Variants in PCDHGA5 observed in about 807,000 individuals in gnomAD.
PCDHGA5 encodes the protein protocadherin gamma-A5.
In PCDHGA5, 36 loss-of-function variants were observed where a neutral mutation model predicts 56.7. The observed-to-expected ratio is 0.64, with a 90% CI of 0.49 to 0.84. The LOEUF (loss-of-function observed/expected upper bound fraction) is 0.84. Ranked by LOEUF, PCDHGA5 falls within the 40% of genes least tolerant of loss-of-function variation. PCDHGA5 has a pLI of 0.00. For missense variants in PCDHGA5, 1,305 were observed against 1,201.5 expected (o/e 1.09, Z -1.27); for synonymous variants, 563 against 520.2 (o/e 1.08, Z -1.12).
At position 141,432,065 on chromosome 5, in the gene PCDHGA5, AC is replaced by A; in HGVS notation, c.2422-62741del. 1.2e-6 allele frequency: 2 copies of A among 1,614,048 alleles called. No homozygotes were observed. The highest frequency in any genetic ancestry group is 1.7e-6 in the Non-Finnish European group (2 of 1,180,006). On this transcript the variant is annotated intron_variant, in intron 1 of 3. Transcript: ENST00000518069. The surrounding 1 kb of genome is among the most constrained non-coding windows in gnomAD (Gnocchi z 6.0). ...GGGAACCCCGCCCCTATCCACGGAA[AC>A]TCATATCTCGCTGAACGTGGCAGAC...
chr5:141,428,423 G>C (rs939814279), intron 1 of PCDHGA5: 1 of 440,550 alleles, frequency 2.3e-6, no homozygotes, highest in Non-Finnish European at 4.3e-6. Flanking sequence ...CCTGGTCTCT[G>C]TTCTAAGACT....
At chr5:141,436,752 A>G (rs2097844842) in intron 1 of PCDHGA5, among the ~76,000 whole-genome samples, 2 of 152,194 alleles carry the variant, frequency 1.3e-5, no homozygotes, top group South Asian at 4.1e-4. Context: ...GCTTCTCCAT[A>G]TGGTATAATG....
At chr5:141,383,710 G>C (rs1388027066) in intron 1 of PCDHGA5, 1 of 1,613,992 alleles carries the variant, frequency 6.2e-7, no homozygotes. Flanking sequence ...CGACCTGGAC[G>C]AGGGAGTCAA....
At chr5:141,438,287 T>C (rs1183751436) in intron 1 of PCDHGA5, among the ~76,000 whole-genome samples, 1 of 152,054 alleles carries the variant, frequency 6.6e-6, no homozygotes, top group African/African-American at 2.4e-5. Context: ...TAATTTAATC[T>C]GTATGTAAAA....
At chr5:141,401,976 G>A (rs1479930250) in intron 1 of PCDHGA5, among the ~76,000 whole-genome samples, 2 of 152,062 alleles carry the variant, frequency 1.3e-5, no homozygotes, top group Admixed American at 1.3e-4. Context: ...ATTGATGAAG[G>A]ATTAAAATAG....
intron 1 of PCDHGA5, chr5:141,400,082 C>A: frequency 1.2e-6 from 2 of 1,614,016 alleles, no homozygotes; most frequent in Non-Finnish European, 1.7e-6. Flanking sequence ...CCACTCTCCG[C>A]CACCGCCACG....
chr5:141,404,215 G>A, intron 1 of PCDHGA5: 1 of 1,613,346 alleles, frequency 6.2e-7, no homozygotes, highest in Non-Finnish European at 8.5e-7. Context: ...ATAATATCAC[G>A]GTGACTGCAA....
At chr5:141,452,377 A>G (rs2098740152) in intron 1 of PCDHGA5, among the ~76,000 whole-genome samples, 1 of 152,222 alleles carries the variant, frequency 6.6e-6, no homozygotes, top group African/African-American at 2.4e-5. Flanking sequence ...TTAGTAGGGA[A>G]TAGTATTTAG....
rs769187557 is a variant in PCDHGA5, at chr5:141,433,087, A to C, written c.2422-61720A>C. 2.5e-6 allele frequency: 4 copies of C among 1,614,206 alleles called. No homozygotes were observed. In the Admixed American group the frequency reaches 6.7e-5, roughly 27 times the overall value. On this transcript the variant is annotated intron_variant, in intron 1 of 3. Transcript: ENST00000518069. The stretch of plus-strand genomic sequence containing the variant: ...TGATCTTCCCCCAGCCCAACTATGC[A>C]GACATGCTCGTCAGCCAGGAGAGCT...
intron 1 of PCDHGA5, among the ~76,000 whole-genome samples, chr5:141,446,175 G>A (rs1288608276): frequency 1.3e-5 from 2 of 152,276 alleles, no homozygotes; most frequent in Non-Finnish European, 2.9e-5. Context: ...AGGGCAGGGG[G>A]TGTTTTGTTT....
rs764742899 is a variant in PCDHGA5, at chr5:141,487,062, C to T, written c.2422-7745C>T. On this transcript the variant is annotated intron_variant, in intron 1 of 3. Transcript: ENST00000518069. This position sits in a 1 kb window ranked among gnomAD's most constrained non-coding sequence, Gnocchi z 5.0. Reference sequence around the variant, plus strand: ...TCTCGATATGCTGGGGAGGTGCGGACGGCTGTTCCTATCCCAGCTGACCTC... The same window carrying T: ...TCTCGATATGCTGGGGAGGTGCGGATGGCTGTTCCTATCCCAGCTGACCTC... 2.8e-5 allele frequency: 45 copies of T among 1,613,980 alleles called. No homozygotes were observed. Among genetic ancestry groups the T allele is most frequent in the East Asian group, 1.3e-4 (6 of 44,874 alleles).
At chr5:141,373,416 G>A (rs1162363989) in intron 1 of PCDHGA5, among the ~76,000 whole-genome samples, 3 of 152,182 alleles carry the variant, frequency 2.0e-5, no homozygotes, top group Non-Finnish European at 4.4e-5. Context: ...CCAGCTACTC[G>A]GGAGGCTGAG....
At chr5:141,392,719 C>CCG in intron 1 of PCDHGA5, 1 of 1,383,098 alleles carries the variant, frequency 7.2e-7, no homozygotes, top group African/African-American at 1.5e-5. Context: ...TCCAGGTTTC[C>CCG]GGAGGATTGT....
chr5:141,456,878 G>A (rs71583646), intron 1 of PCDHGA5, among the ~76,000 whole-genome samples: 21 of 152,162 alleles, frequency 1.4e-4, no homozygotes, highest in African/African-American at 2.4e-4. Flanking sequence ...CAGGAGAATC[G>A]CTTGAACCCG....
chr5:141,497,111 G>A (rs899232924), intron 2 of PCDHGA5, among the ~76,000 whole-genome samples: 16 of 152,010 alleles, frequency 1.1e-4, no homozygotes, highest in Non-Finnish European at 1.2e-4. Context: ...GCTTGAACCC[G>A]GAAGGCAGAG....
At chr5:141,418,057 G>A (rs2096216088) in intron 1 of PCDHGA5, 2 of 1,614,050 alleles carry the variant, frequency 1.2e-6, no homozygotes, top group East Asian at 4.5e-5. Context: ...CTCGCGAGCT[G>A]CGAGTGAGCG....
intron 1 of PCDHGA5, chr5:141,418,511 G>A: frequency 5.6e-6 from 9 of 1,613,974 alleles, no homozygotes; most frequent in Non-Finnish European, 7.6e-6. Context: ...CTTAGATGGT[G>A]GGGACCCTCC....
At position 141,389,700 on chromosome 5, in the gene PCDHGA5, G is replaced by A. The variant is rs534784537; in HGVS notation, c.2421+22949G>A. On this transcript the variant is annotated intron_variant, in intron 1 of 3. Coordinates refer to ENST00000518069, the MANE Select transcript of PCDHGA5 (RefSeq NM_018918.3). ...ACACAACGCCTGGCTGTCCTACCAC[G>A]TGCTGCAGGCTAGCGAGCCCGGGCT... 11 of 1,612,578 alleles carry A rather than the reference G, an allele frequency of 6.8e-6. No homozygotes were observed. The South Asian group carries it at 1.1e-4, about 16-fold the overall frequency.
chr5:141,409,143 G>C (rs778597273), intron 1 of PCDHGA5: 2 of 1,613,986 alleles, frequency 1.2e-6, no homozygotes, highest in Admixed American at 3.3e-5. Context: ...GATGTAGAAA[G>C]GTACACCATG....
Sources: gnomAD v4.1 joint callset for allele counts (sites outside exome capture counted in the v4.1 genomes callset) on GRCh38, gnomAD v4.1.1 for gene constraint, Gnocchi (gnomAD v3.1) non-coding constraint, MANE v1.5 for transcripts, NCBI Gene and HGNC (gene_info 2026-07-23, HGNC 2026-07-21) for gene names.